The following SLC25A20 variants were observed in gnomAD, a reference collection of about 807,000 sequenced individuals.
The protein encoded by SLC25A20 is mitochondrial carnitine/acylcarnitine carrier protein.
Under a neutral mutation model 39.7 loss-of-function variants are expected in SLC25A20, and 29 were observed. That is an observed-to-expected ratio of 0.73 (90% confidence interval 0.54 to 1.00). The LOEUF (loss-of-function observed/expected upper bound fraction) is 1.00. Ranked by LOEUF, SLC25A20 falls within the 50% of genes least tolerant of loss-of-function variation. The pLI is 0.00. For synonymous variants in SLC25A20, 103 were observed against 142.2 expected, an observed-to-expected ratio of 0.72 and a Z score of 1.96; for missense variants, 333 against 379.9, an observed-to-expected ratio of 0.88 and a Z score of 1.03.
chr3:48,859,443 A>G (rs1575978051), intron 6 of SLC25A20, 112 bp downstream of exon 6: 1 of 970,904 alleles, frequency 1.0e-6, no homozygotes. Context: ...CACAAGAGGA[A>G]AGCAGACATG....
At position 48,874,596 on chromosome 3, in the gene SLC25A20, T is replaced by A. The variant is rs1045396378; in HGVS notation, c.417+4762A>T. On this transcript the variant is annotated intron_variant, in intron 4 of 8. Coordinates refer to ENST00000319017, the MANE Select transcript of SLC25A20 (RefSeq NM_000387.6). ...AAAAGCCTCTGTGTACAAATGTTTA[T>A]GGCATCTTTATTCCTAAAAACCTCA... Among the ~76,000 whole-genome samples the A allele has an allele frequency of 3.9e-5, 6 of 152,328 alleles. 1 individual carries two copies. Among genetic ancestry groups the A allele is most frequent in the Admixed American group, 2.6e-4 (4 of 15,272 alleles).
At chr3:48,859,004 C>T (rs1454197799) in intron 7 of SLC25A20, 88 bp downstream of exon 7, 3 of 1,008,042 alleles carry the variant, frequency 3.0e-6, no homozygotes, top group African/African-American at 1.6e-5. Context: ...GAGTGAGTAT[C>T]CCTAGGGCCT....
chr3:48,875,674 T>C (rs2083750593), intron 4 of SLC25A20, among the ~76,000 whole-genome samples: 1 of 152,140 alleles, frequency 6.6e-6, no homozygotes, highest in Non-Finnish European at 1.5e-5. Context: ...CCTCACAAAC[T>C]GCTGGGATTA....
In SLC25A20 at chr3:48,857,791, G is replaced by T; in HGVS notation, c.844-19C>A. 1 of 1,611,104 alleles carries T rather than the reference G, an allele frequency of 6.2e-7. No individual in the cohort carries two copies. The highest frequency in any genetic ancestry group is 1.1e-5 in the South Asian group (1 of 90,670). ...AACAGGCCTAAGAAGGGATTGGGAG[G>T]AAGAAAAAAGCCAGCAGGAATAACT... is the stretch of plus-strand genomic sequence containing the variant. On this transcript the variant is annotated intron_variant, in intron 8 of 8. Transcript: ENST00000319017.
At chr3:48,871,287 C>T (rs2083712508) in intron 4 of SLC25A20, among the ~76,000 whole-genome samples, 2 of 148,972 alleles carry the variant, frequency 1.3e-5, no homozygotes, top group Non-Finnish European at 3.0e-5. Context: ...AATTATCCTA[C>T]AATTTACGTG....
At chr3:48,866,726 G>A (rs1270916405) in intron 4 of SLC25A20, among the ~76,000 whole-genome samples, 3 of 47,156 alleles carry the variant, frequency 6.4e-5, no homozygotes, top group Non-Finnish European at 1.1e-4. Flanking sequence ...AACTTCCTGT[G>A]CTCAAACGAT....
chr3:48,894,853 C>T (rs1260705646), intron 1 of SLC25A20, among the ~76,000 whole-genome samples: 2 of 152,182 alleles, frequency 1.3e-5, no homozygotes, highest in African/African-American at 4.8e-5. Context: ...GAGTTTCACT[C>T]ATTGCCCAGA....
At chr3:48,895,662 C>A in intron 1 of SLC25A20, 1 of 339,690 alleles carries the variant, frequency 2.9e-6, no homozygotes, top group African/African-American at 2.2e-5. Flanking sequence ...CCTTCCATAT[C>A]AAACCAAGGA....
chr3:48,878,617 T>C (rs892662425), intron 4 of SLC25A20, among the ~76,000 whole-genome samples: 1 of 151,822 alleles, frequency 6.6e-6, no homozygotes. Context: ...CTGACCAACA[T>C]GGCAAAGCCC....
chr3:48,888,207 GAAAAAAA>G (rs751937375), intron 2 of SLC25A20, among the ~76,000 whole-genome samples: 3 of 44,242 alleles, frequency 6.8e-5, no homozygotes, highest in South Asian at 6.8e-4. Flanking sequence ...ACTCCATCTC[GAAAAAAA>G]AAAAAAAAAA....
At chr3:48,897,391 G>A (rs2083918280) in intron 1 of SLC25A20, among the ~76,000 whole-genome samples, 1 of 131,254 alleles carries the variant, frequency 7.6e-6, no homozygotes. Flanking sequence ...TTTTTTTAAG[G>A]GCGGCCCCAG....
chr3:48,888,904 G>A (rs2106662830), intron 2 of SLC25A20, among the ~76,000 whole-genome samples: 1 of 152,006 alleles, frequency 6.6e-6, no homozygotes, highest in South Asian at 2.1e-4. Flanking sequence ...GGTTAACATG[G>A]TGAAACCCTG....
rs556457049 is a variant in SLC25A20, at chr3:48,880,903, C to T, written c.327-1455G>A. 2.9e-3 allele frequency among the ~76,000 whole-genome samples: 438 copies of T among 152,238 alleles called. 4 individuals are homozygous for T. Among genetic ancestry groups the T allele is most frequent in the African/African-American group, 9.9e-3 (411 of 41,558 alleles). ...CTTTCTGGGATTAGCAATACCAGCA[C>T]GGTTTGGAGGCAATGGGGCACAAAG... On this transcript the variant is annotated intron_variant, in intron 3 of 8. Coordinates refer to ENST00000319017, the MANE Select transcript of SLC25A20 (RefSeq NM_000387.6).
chr3:48,888,072 T>G (rs1295330599), intron 2 of SLC25A20, among the ~76,000 whole-genome samples: 1 of 151,414 alleles, frequency 6.6e-6, no homozygotes, highest in Non-Finnish European at 1.5e-5. Flanking sequence ...CTGGGCATTG[T>G]GGCAGGTGCC....
At chr3:48,894,172 A>AG (rs1222521648) in intron 1 of SLC25A20, among the ~76,000 whole-genome samples, 1 of 137,322 alleles carries the variant, frequency 7.3e-6, no homozygotes, top group Non-Finnish European at 1.5e-5. Flanking sequence ...AAAAAAAAAA[A>AG]AAGAAGAAGA....
rs2083783478 is a variant in SLC25A20 at position 48,879,339 on chromosome 3, C to T, written c.417+19G>A. ...AAACTGAAAGGAAAAAGCTATTTCC[C>T]CTCCAATCACAACCTTACCTGTAAT... On this transcript the variant is annotated intron_variant, in intron 4 of 8. Coordinates refer to ENST00000319017, the MANE Select transcript of SLC25A20 (RefSeq NM_000387.6). The T allele has an allele frequency of 1.3e-6, 2 of 1,550,442 alleles. No individual in the cohort carries two copies. The highest frequency in any genetic ancestry group is 1.1e-5 in the South Asian group (1 of 89,780).
chr3:48,872,376 C>T (rs150932502), intron 4 of SLC25A20, among the ~76,000 whole-genome samples: 29 of 151,912 alleles, frequency 1.9e-4, no homozygotes, highest in African/African-American at 6.5e-4. Flanking sequence ...GTGATCCACC[C>T]ATCCTGGCCT....
chr3:48,857,695 G>A lies in SLC25A20; in HGVS notation c.*15C>T, dbSNP rs761454329. On this transcript the variant is annotated 3_prime_UTR_variant, in exon 9 of 9. Transcript: ENST00000319017. ...GCTTCCAGCATCCAGAAGTGAACTT[G>A]AGCAGCCTTCAGCCTCACAAGTTGG... 3.7e-6 allele frequency: 6 copies of A among 1,613,036 alleles called. No homozygotes were observed. The Admixed American group carries it at 6.7e-5, about 18-fold the overall frequency.
intron 4 of SLC25A20, among the ~76,000 whole-genome samples, 169 bp downstream of exon 4, chr3:48,879,189 C>G (rs1274859215): frequency 2.0e-5 from 3 of 152,010 alleles, no homozygotes; most frequent in Non-Finnish European, 4.4e-5. Flanking sequence ...GTCTTTAACT[C>G]ATGGGCTCAG....
Sources: gnomAD v4.1 joint callset for allele counts (sites outside exome capture counted in the v4.1 genomes callset) on GRCh38, gnomAD v4.1.1 for gene constraint, MANE v1.5 for transcripts, NCBI Gene and HGNC (gene_info 2026-07-23, HGNC 2026-07-21) for gene names.